CACNA2D3: variants seen among roughly 807,000 people sequenced by gnomAD.
CACNA2D3 encodes voltage-dependent calcium channel subunit alpha-2/delta-3.
In CACNA2D3, 60 loss-of-function variants were observed where a neutral mutation model predicts 160.6. The ratio of observed to expected loss-of-function variants is 0.37; its 90% CI spans 0.30 to 0.46. CACNA2D3 has a LOEUF of 0.46. Among genes scored for constraint, CACNA2D3 ranks in the 20% least tolerant of loss-of-function variants. The probability of loss-of-function intolerance (pLI) is 1.00; values close to 1 mark genes in which losing one functional copy is unlikely to be tolerated. For synonymous variants in CACNA2D3, 558 were observed against 492.9 expected (o/e 1.13, Z -1.75); for missense variants, 1,205 against 1,365.0 (o/e 0.88, Z 1.85).
At chr3:54,471,128 C>T (rs1302233805) in intron 4 of CACNA2D3, among the ~76,000 whole-genome samples, 1 of 152,184 alleles carries the variant, frequency 6.6e-6, no homozygotes, top group Non-Finnish European at 1.5e-5. Context: ...CACCACATCA[C>T]ACTTATTCTA....
At chr3:54,538,147 T>C (rs1029830774) in intron 5 of CACNA2D3, among the ~76,000 whole-genome samples, 1 of 152,096 alleles carries the variant, frequency 6.6e-6, no homozygotes, top group African/African-American at 2.4e-5. Context: ...CTTGGGCCTT[T>C]TAGATTACTT....
chr3:54,234,039 G>T (rs528359726), intron 2 of CACNA2D3, among the ~76,000 whole-genome samples: 1 of 152,234 alleles, frequency 6.6e-6, no homozygotes, highest in Admixed American at 6.5e-5. Context: ...AAGAATGTCT[G>T]CACAGCAAAA....
Position 54,733,933 on chromosome 3 carries a change from A to G in CACNA2D3, c.1168-18666A>G, listed in dbSNP as rs186590321. On this transcript the variant is annotated intron_variant, in intron 11 of 37. Transcript: ENST00000474759. ...ATGCCATCTGCACAAAGTACAAAGA[A>G]CTCGATTTTTATTGTAGCAGTGAGA... is the stretch of plus-strand genomic sequence containing the variant. Among the ~76,000 whole-genome samples the G allele has an allele frequency of 1.3e-4, 19 of 151,610 alleles. 1 individual carries two copies. The highest frequency in any genetic ancestry group is 9.9e-4 in the Admixed American group (15 of 15,212).
chr3:54,370,836 G>GAA (rs60211171), intron 3 of CACNA2D3, among the ~76,000 whole-genome samples: 1,562 of 85,730 alleles, frequency 0.018, 23 homozygotes, highest in African/African-American at 0.033. Flanking sequence ...CCCGACTCCA[G>GAA]AAAAAAAAAA....
chr3:54,807,414 C>G lies in CACNA2D3; in HGVS notation c.1381-9439C>G, dbSNP rs546489334. Among the ~76,000 whole-genome samples, 5 of 152,330 alleles carry G rather than the reference C, an allele frequency of 3.3e-5. No individual in the cohort carries two copies. In the East Asian group the frequency reaches 9.6e-4, roughly 29 times the overall value. ...GCGAAGGACATGAGCAGACACTTCT[C>G]AAAAGAAGGCATTTATGCAGCCAAA... On this transcript the variant is annotated intron_variant, in intron 13 of 37. Transcript: ENST00000474759.
intron 27 of CACNA2D3, among the ~76,000 whole-genome samples, chr3:54,905,842 C>T (rs1249943653): frequency 6.6e-6 from 1 of 152,150 alleles, no homozygotes; most frequent in East Asian, 1.9e-4. Context: ...AACTTCAACT[C>T]AGTGCTTTCA....
chr3:54,921,492 ATATTAT>A (rs1256197260), intron 27 of CACNA2D3, among the ~76,000 whole-genome samples: 1 of 152,086 alleles, frequency 6.6e-6, no homozygotes, highest in African/African-American at 2.4e-5. Context: ...TTTGGAGGAG[ATATTAT>A]TATGTATTCA....
At chr3:54,200,352 G>A (rs1425904134) in intron 2 of CACNA2D3, among the ~76,000 whole-genome samples, 1 of 152,182 alleles carries the variant, frequency 6.6e-6, no homozygotes. Flanking sequence ...CTGGGTAGCT[G>A]TTCCAGAGCA....
chr3:54,510,112 T>G (rs922287111), intron 5 of CACNA2D3, among the ~76,000 whole-genome samples: 2 of 151,962 alleles, frequency 1.3e-5, no homozygotes, highest in African/African-American at 4.8e-5. Flanking sequence ...AATAGATGGA[T>G]GGACACATGC....
chr3:54,963,651 T>G (rs879567814), intron 27 of CACNA2D3, among the ~76,000 whole-genome samples: 13 of 152,170 alleles, frequency 8.5e-5, no homozygotes, highest in Admixed American at 3.3e-4. Context: ...GCAAAGCAAA[T>G]GGTCTATGTG....
At chr3:54,742,147 G>C (rs981302919) in intron 11 of CACNA2D3, among the ~76,000 whole-genome samples, 1 of 152,172 alleles carries the variant, frequency 6.6e-6, no homozygotes, top group African/African-American at 2.4e-5. Flanking sequence ...GGCTGGGTGC[G>C]GTGGCTCATG....
chr3:54,261,275 C>T (rs936954352), intron 2 of CACNA2D3, among the ~76,000 whole-genome samples: 10 of 152,142 alleles, frequency 6.6e-5, no homozygotes, highest in African/African-American at 2.2e-4. Context: ...CTTTAGGAAC[C>T]GAGAATACTC....
chr3:54,421,137 G>T (rs1699830654), intron 4 of CACNA2D3, among the ~76,000 whole-genome samples: 1 of 152,206 alleles, frequency 6.6e-6, no homozygotes, highest in Non-Finnish European at 1.5e-5. Context: ...CCCGTGGTCA[G>T]ATAGATGCTG....
chr3:54,549,451 C>G (rs1702119073), intron 5 of CACNA2D3, among the ~76,000 whole-genome samples: 3 of 151,778 alleles, frequency 2.0e-5, no homozygotes. Flanking sequence ...GTCTCAAAAA[C>G]AAAAAAAACA....
chr3:54,463,105 C>G (rs951918110), intron 4 of CACNA2D3, among the ~76,000 whole-genome samples: 62 of 151,886 alleles, frequency 4.1e-4, no homozygotes, highest in Non-Finnish European at 7.4e-4. Flanking sequence ...ATATTGGCCC[C>G]CACTCTCTTC....
At chr3:54,795,958 C>G (rs1575479510) in intron 13 of CACNA2D3, among the ~76,000 whole-genome samples, 1 of 152,234 alleles carries the variant, frequency 6.6e-6, no homozygotes, top group South Asian at 2.1e-4. Context: ...GATTGCCAAA[C>G]CCCAGACTTG....
At chr3:54,923,369 A>C in intron 27 of CACNA2D3, among the ~76,000 whole-genome samples, 1 of 151,596 alleles carries the variant, frequency 6.6e-6, no homozygotes, top group African/African-American at 2.4e-5. Flanking sequence ...TGCGTTCACT[A>C]TTCCTTCCCC....
rs145256803 is a variant in CACNA2D3 at position 54,674,714 on chromosome 3, A to G, written c.1167+32473A>G. Among the ~76,000 whole-genome samples the G allele has an allele frequency of 6.6e-5, 10 of 152,298 alleles. No individual in the cohort carries two copies. The East Asian group carries it at 1.9e-3, about 29-fold the overall frequency. Reference sequence around the variant, plus strand: ...GGTGGGTAAAAAGGAAGTGAGGATAAGAGAGAGGTGGTAGACAGTGGAGGA... The same window carrying G: ...GGTGGGTAAAAAGGAAGTGAGGATAGGAGAGAGGTGGTAGACAGTGGAGGA... On this transcript the variant is annotated intron_variant, in intron 11 of 37. Transcript: ENST00000474759.
At chr3:54,803,285 C>G (rs917917953) in intron 13 of CACNA2D3, among the ~76,000 whole-genome samples, 1 of 152,074 alleles carries the variant, frequency 6.6e-6, no homozygotes, top group Non-Finnish European at 1.5e-5. Flanking sequence ...AAATTCAAAC[C>G]AAAGGCAAAG....
Sources: gnomAD v4.1 joint callset for allele counts (sites outside exome capture counted in the v4.1 genomes callset) on GRCh38, gnomAD v4.1.1 for gene constraint, MANE v1.5 for transcripts, NCBI Gene and HGNC (gene_info 2026-07-23, HGNC 2026-07-21) for gene names.